Variants in PALLD observed in about 807,000 individuals in gnomAD.
PALLD encodes palladin, cytoskeletal associated protein.
A neutral mutation model predicts 123.5 loss-of-function variants in PALLD; 61 were observed. That is an observed-to-expected ratio of 0.49 (90% CI 0.40 to 0.61). PALLD has a LOEUF of 0.61. PALLD is among the 20% of genes least tolerant of loss of function. The pLI, the probability that PALLD is intolerant of heterozygous loss-of-function variation, is 0.00. For synonymous variants in PALLD, 465 were observed against 496.4 expected (o/e 0.94, Z 0.84); for missense variants, 1,273 against 1,377.0 (o/e 0.92, Z 1.20).
chr4:168,841,843 T>G (rs1581721771), intron 10 of PALLD, among the ~76,000 whole-genome samples: 1 of 152,244 alleles, frequency 6.6e-6, no homozygotes, highest in South Asian at 2.1e-4. Context: ...CCTGTCACCA[T>G]AGCAGTCTAC....
chr4:168,756,703 G>A (rs1205524789), intron 10 of PALLD, among the ~76,000 whole-genome samples: 1 of 152,270 alleles, frequency 6.6e-6, no homozygotes, highest in South Asian at 2.1e-4. Flanking sequence ...TTTGAGGTGT[G>A]TTTATACATT....
intron 10 of PALLD, among the ~76,000 whole-genome samples, chr4:168,836,136 T>C (rs1012631861): frequency 6.6e-6 from 1 of 152,192 alleles, no homozygotes. Flanking sequence ...CTCTTCCTTG[T>C]GTATTTTGGA....
chr4:168,592,850 T>C (rs958262008), intron 2 of PALLD, among the ~76,000 whole-genome samples: 2 of 152,154 alleles, frequency 1.3e-5, no homozygotes, highest in Non-Finnish European at 2.9e-5. Context: ...CAACAAGCCC[T>C]ACAGGACCAA....
chr4:168,820,763 G>A (rs1055045722), intron 10 of PALLD, among the ~76,000 whole-genome samples: 1 of 152,018 alleles, frequency 6.6e-6, no homozygotes, highest in Non-Finnish European at 1.5e-5. Context: ...ATAAAATGAT[G>A]GGCTTCCAGA....
At position 168,645,682 on chromosome 4, in the gene PALLD, C is replaced by A. The variant is rs377353026; in HGVS notation, c.909-22508C>A. Among the ~76,000 whole-genome samples, 5 of 152,286 alleles carry A rather than the reference C, an allele frequency of 3.3e-5. No homozygotes were observed. In the East Asian group the frequency reaches 9.6e-4, roughly 29 times the overall value. On this transcript the variant is annotated intron_variant, in intron 2 of 21. Coordinates refer to ENST00000505667, the MANE Select transcript of PALLD (RefSeq NM_001166108.2). ...GAAAATACCTGGCCCAGAGTGAACACTTATTCGATGTTAGCTGCCATTATT... is the reference window on the plus strand; with the variant it reads ...GAAAATACCTGGCCCAGAGTGAACAATTATTCGATGTTAGCTGCCATTATT...
intron 10 of PALLD, among the ~76,000 whole-genome samples, chr4:168,728,396 A>G (rs1786808261): frequency 6.6e-6 from 1 of 152,048 alleles, no homozygotes; most frequent in South Asian, 2.1e-4. Flanking sequence ...AGGGTTTTAT[A>G]GTTCTTGTAG....
At chr4:168,753,649 C>G (rs1731370360) in intron 10 of PALLD, among the ~76,000 whole-genome samples, 1 of 152,198 alleles carries the variant, frequency 6.6e-6, no homozygotes, top group Non-Finnish European at 1.5e-5. Context: ...CGTGCACCCT[C>G]TCTGTCAACT....
intron 10 of PALLD, among the ~76,000 whole-genome samples, chr4:168,853,704 G>C (rs575715613): frequency 6.6e-6 from 1 of 152,162 alleles, no homozygotes; most frequent in East Asian, 1.9e-4. Flanking sequence ...TACAGGGGGC[G>C]ACCAGGCCTG....
At chr4:168,584,173 T>A (rs979019680) in intron 2 of PALLD, among the ~76,000 whole-genome samples, 1 of 151,804 alleles carries the variant, frequency 6.6e-6, no homozygotes, top group Non-Finnish European at 1.5e-5. Context: ...AGACATCAGG[T>A]AAAATCTAGC....
At chr4:168,513,079 A>T (rs1479568427) in intron 2 of PALLD, among the ~76,000 whole-genome samples, 2 of 143,728 alleles carry the variant, frequency 1.4e-5, no homozygotes, top group East Asian at 4.0e-4. Context: ...AAAAAAAAAA[A>T]GATTCTCATA....
chr4:168,696,097 C>G (rs1783105283), intron 8 of PALLD, among the ~76,000 whole-genome samples: 1 of 152,096 alleles, frequency 6.6e-6, no homozygotes, highest in African/African-American at 2.4e-5. Flanking sequence ...GGGCCACATT[C>G]AAAGCTGTCC....
At chr4:168,762,170 A>G (rs1733032229) in intron 10 of PALLD, among the ~76,000 whole-genome samples, 1 of 152,140 alleles carries the variant, frequency 6.6e-6, no homozygotes, top group African/African-American at 2.4e-5. Context: ...CTGAACTTAA[A>G]ACACATAAAA....
At chr4:168,667,472 AT>A (rs1779764305) in intron 2 of PALLD, among the ~76,000 whole-genome samples, 1 of 152,186 alleles carries the variant, frequency 6.6e-6, no homozygotes, top group Non-Finnish European at 1.5e-5. Flanking sequence ...GCTACTGAGA[AT>A]TTGAGGTGCT....
chr4:168,671,188 G>A (rs557880380), intron 3 of PALLD, among the ~76,000 whole-genome samples: 26 of 152,166 alleles, frequency 1.7e-4, no homozygotes, highest in Admixed American at 8.5e-4. Context: ...CTTGAAACCA[G>A]CTGCAGAATC....
chr4:168,838,316 T>C (rs1210655765), intron 10 of PALLD, among the ~76,000 whole-genome samples: 1 of 152,130 alleles, frequency 6.6e-6, no homozygotes, highest in African/African-American at 2.4e-5. Context: ...GAGCTGATTC[T>C]CCTGTAGCCC....
At chr4:168,587,652 G>T (rs1770970481) in intron 2 of PALLD, among the ~76,000 whole-genome samples, 1 of 152,072 alleles carries the variant, frequency 6.6e-6, no homozygotes, top group African/African-American at 2.4e-5. Flanking sequence ...CTGGCCAGCT[G>T]CTTTTTTCCC....
chr4:168,787,934 A>G (rs2150584175), intron 10 of PALLD, among the ~76,000 whole-genome samples: 1 of 152,352 alleles, frequency 6.6e-6, no homozygotes, highest in Admixed American at 6.5e-5. Context: ...ATGGTTGTAA[A>G]TGAGATTTCA....
intron 11 of PALLD, among the ~76,000 whole-genome samples, chr4:168,893,654 G>A (rs1332624178): frequency 2.0e-5 from 3 of 152,120 alleles, no homozygotes; most frequent in Non-Finnish European, 2.9e-5. Context: ...TGAGGCAGGT[G>A]GTATCTGAAA....
At chr4:168,521,483 A>G (rs75420163) in intron 2 of PALLD, among the ~76,000 whole-genome samples, 3 of 152,234 alleles carry the variant, frequency 2.0e-5, no homozygotes, top group Non-Finnish European at 2.9e-5. Flanking sequence ...CTGTTAGCAC[A>G]TTGTAGTGTC....
Sources: allele counts gnomAD v4.1 joint callset (sites outside exome capture counted in the v4.1 genomes callset), GRCh38; gene constraint gnomAD v4.1.1; transcripts MANE v1.5; gene names NCBI Gene and HGNC (gene_info 2026-07-23, HGNC 2026-07-21).